Variants in CCDC12 observed in about 807,000 individuals in gnomAD.
CCDC12 encodes the protein coiled-coil domain-containing protein 12.
In CCDC12, 28 loss-of-function variants were observed where a neutral mutation model predicts 25.7. The observed-to-expected ratio is 1.09, with a 90% CI of 0.81 to 1.50. CCDC12 has a LOEUF of 1.50. Ranked by LOEUF, CCDC12 falls within the 40% of genes most tolerant of loss-of-function variation. The probability of loss-of-function intolerance (pLI) is 0.00; values close to 1 mark genes in which losing one functional copy is unlikely to be tolerated. For synonymous variants in CCDC12, 75 were observed against 87.7 expected (o/e 0.86, Z 0.81); for missense variants, 198 against 210.0 (o/e 0.94, Z 0.35).
At chr3:46,980,115 G>A (rs1471761942), upstream of CCDC12, among the ~76,000 whole-genome samples, 7 of 152,258 alleles carry the variant, frequency 4.6e-5, no homozygotes, top group African/African-American at 1.7e-4. Flanking sequence ...ATGCCTTGGG[G>A]ACAGAGCTCG....
intron 1 of CCDC12, among the ~76,000 whole-genome samples, chr3:46,972,422 G>C (rs961175308): frequency 2.0e-5 from 3 of 152,110 alleles, no homozygotes; most frequent in African/African-American, 7.2e-5. Context: ...CAGAATATAT[G>C]AACAATTCAA....
intron 1 of CCDC12, among the ~76,000 whole-genome samples, chr3:46,941,564 CAAAA>C (rs11306063): frequency 7.4e-6 from 1 of 136,044 alleles, no homozygotes. Flanking sequence ...GACTCCATCT[CAAAA>C]AAAAAAAAAA....
chr3:46,971,492 G>A (rs772998022), intron 1 of CCDC12, among the ~76,000 whole-genome samples: 3 of 152,230 alleles, frequency 2.0e-5, no homozygotes, highest in Non-Finnish European at 4.4e-5. Flanking sequence ...GGGCTGACCA[G>A]GACGTCTTTG....
At chr3:46,930,553 C>T (rs1020834222) in intron 2 of CCDC12, among the ~76,000 whole-genome samples, 6 of 152,220 alleles carry the variant, frequency 3.9e-5, no homozygotes, top group Non-Finnish European at 5.9e-5. Flanking sequence ...CACCCTATAC[C>T]GGCAGCCAGT....
At chr3:46,976,364 C>G in intron 1 of CCDC12, 2 of 1,368,886 alleles carry the variant, frequency 1.5e-6, no homozygotes, top group Non-Finnish European at 9.4e-7. Flanking sequence ...CGAGCAACAC[C>G]CGGGAAGCAG....
intron 1 of CCDC12, among the ~76,000 whole-genome samples, chr3:46,942,244 C>T (rs2033737891): frequency 2.0e-5 from 3 of 152,254 alleles, no homozygotes; most frequent in Admixed American, 2.0e-4. Flanking sequence ...TGCACAAATT[C>T]GTGTGACCAC....
intron 2 of CCDC12, among the ~76,000 whole-genome samples, chr3:46,938,573 G>A (rs908201485): frequency 2.4e-5 from 3 of 124,582 alleles, no homozygotes; most frequent in African/African-American, 3.0e-5. Flanking sequence ...TCATTGGCCA[G>A]GTCCACTGGC....
At chr3:46,927,201 G>A (rs370968125) in intron 2 of CCDC12, among the ~76,000 whole-genome samples, 1 of 152,182 alleles carries the variant, frequency 6.6e-6, no homozygotes, top group East Asian at 1.9e-4. Flanking sequence ...AAGGCCCAGA[G>A]ATACCCCACC....
intron 1 of CCDC12, among the ~76,000 whole-genome samples, chr3:46,955,004 C>G (rs1228481656): frequency 6.6e-6 from 1 of 152,222 alleles, no homozygotes; most frequent in Non-Finnish European, 1.5e-5. Context: ...CGTCACACCA[C>G]TGGCTTATTC....
chr3:46,932,169 G>A (rs1453321271), intron 2 of CCDC12, among the ~76,000 whole-genome samples: 1 of 152,088 alleles, frequency 6.6e-6, no homozygotes, highest in East Asian at 1.9e-4. Context: ...CCCTGCTCTG[G>A]GGAAATTATT....
intron 1 of CCDC12, among the ~76,000 whole-genome samples, chr3:46,961,041 G>T (rs2034447587): frequency 6.6e-6 from 1 of 151,248 alleles, no homozygotes; most frequent in Non-Finnish European, 1.5e-5. Context: ...ATTGTGGGGG[G>T]AAGTGTGTGG....
intron 1 of CCDC12, among the ~76,000 whole-genome samples, chr3:46,943,210 T>C (rs1575548091): frequency 2.0e-5 from 3 of 152,112 alleles, no homozygotes; most frequent in Admixed American, 2.0e-4. Context: ...TCCAAATGGC[T>C]CCCAGGGCTG....
chr3:46,971,420 T>C (rs2034798604), intron 1 of CCDC12, among the ~76,000 whole-genome samples: 1 of 152,232 alleles, frequency 6.6e-6, no homozygotes, highest in Admixed American at 6.5e-5. Context: ...TCCTCAGCCT[T>C]GGACATCCCA....
chr3:46,949,409 G>A (rs1309292325), intron 1 of CCDC12, among the ~76,000 whole-genome samples: 4 of 152,170 alleles, frequency 2.6e-5, no homozygotes, highest in African/African-American at 9.7e-5. Context: ...AGAGGGCAGG[G>A]CAAAGACCAG....
At chr3:46,930,744 C>T (rs973703943) in intron 2 of CCDC12, among the ~76,000 whole-genome samples, 5 of 152,208 alleles carry the variant, frequency 3.3e-5, no homozygotes, top group African/African-American at 9.7e-5. Context: ...CCGTCCATCA[C>T]GCTTAAAGAG....
At chr3:46,976,826 A>AT, upstream of CCDC12, 1 of 1,532,776 alleles carries the variant, frequency 6.5e-7, no homozygotes, top group South Asian at 1.2e-5. Flanking sequence ...AAGGACGAGA[A>AT]TGAGAGACTG....
rs76490817 is a variant in CCDC12 at position 46,971,553 on chromosome 3, G to A, written c.96+5084C>T. On this transcript the variant is annotated intron_variant, in intron 1 of 6. Coordinates refer to ENST00000683445, the MANE Select transcript of CCDC12 (RefSeq NM_001277074.2). ...GAGAGTTTTGCGCAGAATAATACAC[G>A]GAAACATTGCAACCCCTAATCTTGT... 8.2e-3 allele frequency among the ~76,000 whole-genome samples: 1,254 copies of A among 152,244 alleles called. 18 individuals carry two copies. The highest frequency in any genetic ancestry group is 0.028 in the African/African-American group (1,149 of 41,538).
chr3:46,942,742 G>A lies in CCDC12; in HGVS notation c.97-1677C>T, dbSNP rs553275342. Reference sequence around the variant, plus strand: ...GCTCATCTCATGGCAACGAGGCAGCGAGAACAAAATAACTGACCAAGTGAC... The same window carrying A: ...GCTCATCTCATGGCAACGAGGCAGCAAGAACAAAATAACTGACCAAGTGAC... On this transcript the variant is annotated intron_variant, in intron 1 of 6. Coordinates refer to ENST00000683445, the MANE Select transcript of CCDC12 (RefSeq NM_001277074.2). Among the ~76,000 whole-genome samples, 9 of 152,274 alleles carry A rather than the reference G, an allele frequency of 5.9e-5. No individual in the cohort carries two copies. The South Asian group carries it at 1.7e-3, about 28-fold the overall frequency.
Position 46,956,534 on chromosome 3 carries a change from A to C in CCDC12, c.97-15469T>G, listed in dbSNP as rs1414456675. Among the ~76,000 whole-genome samples the C allele has an allele frequency of 2.0e-5, 3 of 152,216 alleles. No individual in the cohort carries two copies. The South Asian group carries it at 6.2e-4, about 31-fold the overall frequency. On this transcript the variant is annotated intron_variant, in intron 1 of 6. Coordinates refer to ENST00000683445, the MANE Select transcript of CCDC12 (RefSeq NM_001277074.2). ...AGGAAGAAACACAAAGAAATCATTC[A>C]TAAGGGGCTAGGCTCAGTAGCTCAC...
Sources: gnomAD v4.1 joint callset for allele counts (sites outside exome capture counted in the v4.1 genomes callset) on GRCh38, gnomAD v4.1.1 for gene constraint, MANE v1.5 for transcripts, NCBI Gene and HGNC (gene_info 2026-07-23, HGNC 2026-07-21) for gene names.